The following EPRS1 variants were observed in gnomAD, a reference collection of about 807,000 sequenced individuals.
EPRS1 encodes bifunctional glutamate/proline--tRNA ligase.
A neutral mutation model predicts 188.3 loss-of-function variants in EPRS1; 107 were observed. The observed-to-expected ratio is 0.57, with a 90% CI of 0.49 to 0.67. The LOEUF (loss-of-function observed/expected upper bound fraction) is 0.67. Ranked by LOEUF, EPRS1 falls within the 30% of genes least tolerant of loss-of-function variation. EPRS1 has a pLI of 0.00. For synonymous variants in EPRS1, 596 were observed against 593.1 expected (o/e 1.00, Z -0.07); for missense variants, 1,577 against 1,802.2 (o/e 0.88, Z 2.26).
At chr1:219,997,415 T>G (rs1661258822) in intron 17 of EPRS1, 73 bp from the exon 18 acceptor site, 2 of 1,310,040 alleles carry the variant, frequency 1.5e-6, no homozygotes, top group African/African-American at 3.0e-5. Flanking sequence ...TATTTCAAAC[T>G]GATTGTTTTA....
chr1:219,989,619 C>T (rs912067036), intron 18 of EPRS1, among the ~76,000 whole-genome samples: 1 of 152,178 alleles, frequency 6.6e-6, no homozygotes, highest in African/African-American at 2.4e-5. Flanking sequence ...TGAAACCAGG[C>T]AGAAGCCATG....
chr1:219,983,962 A>T (rs1456529059), intron 21 of EPRS1, among the ~76,000 whole-genome samples: 1 of 151,920 alleles, frequency 6.6e-6, no homozygotes, highest in African/African-American at 2.4e-5. Context: ...GTGGCTTTGA[A>T]TTAATCCCTT....
intron 23 of EPRS1, chr1:219,982,538 A>C (rs113715184): frequency 4.0e-5 from 14 of 347,498 alleles, no homozygotes; most frequent in African/African-American, 2.1e-4. Flanking sequence ...ACAGCATAAA[A>C]ATGAGTATTT....
At chr1:220,007,153 A>G in intron 14 of EPRS1, 49 bp downstream of exon 14, 2 of 1,506,748 alleles carry the variant, frequency 1.3e-6, no homozygotes, top group Non-Finnish European at 1.8e-6. Flanking sequence ...AAACACAAAT[A>G]AAATACTTTT....
intron 12 of EPRS1, among the ~76,000 whole-genome samples, chr1:220,011,893 C>A (rs1661612230): frequency 6.6e-6 from 1 of 152,144 alleles, no homozygotes; most frequent in African/African-American, 2.4e-5. Flanking sequence ...TAGATGAAAG[C>A]AGAGTCAAAC....
At chr1:220,040,141 A>G in intron 2 of EPRS1, 44 bp downstream of exon 2, 6 of 1,311,010 alleles carry the variant, frequency 4.6e-6, no homozygotes, top group Non-Finnish European at 6.5e-6. Flanking sequence ...TAAAAAAAAG[A>G]AAAAGCCAAT....
At chr1:219,987,697 C>T (rs933165914) in intron 19 of EPRS1, among the ~76,000 whole-genome samples, 7 of 152,052 alleles carry the variant, frequency 4.6e-5, no homozygotes, top group African/African-American at 1.2e-4. Context: ...AGGTGTTACA[C>T]CAACTATTGA....
At position 220,022,516 on chromosome 1, in the gene EPRS1, T is replaced by C; in HGVS notation, c.946A>G (p.Ile316Val). The change falls in exon 9 of 32, where the codon ATT becomes GTT. Residue 316 changes from isoleucine to valine, a missense_variant and splice_region_variant. Transcript: ENST00000366923. ...RIDSKHRKNPIEKNLQMWEEM... is the reference protein window; with the variant it reads ...RIDSKHRKNPVEKNLQMWEEM... ...TCCCACATTTGTAGATTCTTCTCAA[T>C]AGCTATAAAATGATAATTACATTAC... The C allele has an allele frequency of 6.2e-7, 1 of 1,609,362 alleles. No individual in the cohort carries two copies. Among genetic ancestry groups the C allele is most frequent in the Non-Finnish European group, 8.5e-7 (1 of 1,176,784 alleles).
chr1:219,982,609 C>G (rs1660920269), intron 23 of EPRS1, 163 bp downstream of exon 23: 1 of 561,666 alleles, frequency 1.8e-6, no homozygotes, highest in South Asian at 2.8e-5. Context: ...GAGAATAAAA[C>G]TCTAGACAAC....
At chr1:219,975,474 T>C (rs1414919991) in intron 28 of EPRS1, among the ~76,000 whole-genome samples, 1 of 152,294 alleles carries the variant, frequency 6.6e-6, no homozygotes, top group East Asian at 1.9e-4. Context: ...TTCGCTCTTG[T>C]CACCCAGGCA....
Position 220,044,681 on chromosome 1 carries a change from C to CAAAAAAAA in EPRS1, c.46+1654_46+1661dup, listed in dbSNP as rs71560597. Among the ~76,000 whole-genome samples, 186 of 88,322 alleles carry CAAAAAAAA rather than the reference C, an allele frequency of 2.1e-3. 18 individuals are homozygous for CAAAAAAAA. The highest frequency in any genetic ancestry group is 4.6e-3 in the African/African-American group (110 of 24,110). 57.9% of individuals were successfully genotyped at this position (88,322 alleles called of 152,430 possible). On this transcript the variant is annotated intron_variant, in intron 1 of 31. Coordinates refer to ENST00000366923, the MANE Select transcript of EPRS1 (RefSeq NM_004446.3). ...CAGAGGTTGCAATGAGCTCGGTCTC[C>CAAAAAAAA]AAAAAAAAAAAAAAAAAAAAAAAAA...
intron 20 of EPRS1, among the ~76,000 whole-genome samples, chr1:219,985,495 C>T (rs957105090): frequency 5.9e-5 from 9 of 152,086 alleles, no homozygotes; most frequent in African/African-American, 1.9e-4. Context: ...CAGGTTTAAG[C>T]GATTCTCGTG....
At chr1:219,969,313 T>C in intron 30 of EPRS1, 191 bp from the exon 31 acceptor site, 6 of 586,036 alleles carry the variant, frequency 1.0e-5, no homozygotes, top group South Asian at 4.2e-5. Context: ...AGAATGTTTT[T>C]CCACTATCCA....
chr1:220,018,467 G>A lies in EPRS1; in HGVS notation c.1476C>T (p.Ile492=). ...TACATACCTTTTTGTTAAACGCCCA[G>A]ATTTTGTCCCACTCCATGTTCACGA... ...RSVVNMEWDK[I]WAFNKKVIDP... The change falls in exon 12 of 32, where the codon ATC becomes ATT. Residue 492 remains isoleucine, a synonymous_variant. Coordinates refer to ENST00000366923, the MANE Select transcript of EPRS1 (RefSeq NM_004446.3). The A allele has an allele frequency of 2.5e-6, 4 of 1,611,424 alleles. No homozygotes were observed. Among genetic ancestry groups the A allele is most frequent in the Non-Finnish European group, 2.5e-6 (3 of 1,178,780 alleles).
Position 220,022,541 on chromosome 1 carries a change from C to T in EPRS1, c.944-23G>A, listed in dbSNP as rs193251449. 63 of 1,555,166 alleles carry T rather than the reference C, an allele frequency of 4.1e-5. No homozygotes were observed. The Middle Eastern group carries it at 2.6e-3, about 63-fold the overall frequency. On this transcript the variant is annotated intron_variant, in intron 8 of 31. Transcript: ENST00000366923. ...TAGCTATAAAATGATAATTACATTA[C>T]GGTTCACTAATCTGGTTAAATTCAA... is the stretch of plus-strand genomic sequence containing the variant.
chr1:220,011,625 C>G (rs1365814231), intron 12 of EPRS1, among the ~76,000 whole-genome samples: 1 of 152,142 alleles, frequency 6.6e-6, no homozygotes, highest in Non-Finnish European at 1.5e-5. Context: ...TATATATAGA[C>G]CAGTATATTC....
At chr1:219,979,369 A>G (rs1312858168) in intron 27 of EPRS1, 49 bp downstream of exon 27, 1 of 1,393,166 alleles carries the variant, frequency 7.2e-7, no homozygotes, top group Non-Finnish European at 1.0e-6. Context: ...TTTAGTAAAT[A>G]TGGCTTGTAT....
At position 220,006,129 on chromosome 1, in the gene EPRS1, GCTTAAAGTCCTCGT is replaced by G; in HGVS notation, c.1913_1926del (p.Asp638AlafsTer8). The G allele has an allele frequency of 1.3e-6, 2 of 1,587,826 alleles. No individual in the cohort carries two copies. Among genetic ancestry groups the G allele is most frequent in the Non-Finnish European group, 1.7e-6 (2 of 1,164,052 alleles). On this transcript the variant is annotated frameshift_variant, in exon 15 of 32. Transcript: ENST00000366923. LOFTEE classifies it high-confidence loss of function. ...ACCTTACTGTTCTTGTTGACATACT[GCTTAAAGTCCTCGT>G]CTTTTCCTAGCACTGGCTTTGTGAT...
intron 24 of EPRS1, 26 bp from the exon 25 acceptor site, chr1:219,980,883 G>T: frequency 6.5e-7 from 1 of 1,528,466 alleles, no homozygotes; most frequent in Non-Finnish European, 9.0e-7. Context: ...AAACAATTTA[G>T]TCATTATAAA....
Sources: gnomAD v4.1 joint callset for allele counts (sites outside exome capture counted in the v4.1 genomes callset) on GRCh38, gnomAD v4.1.1 for gene constraint, MANE v1.5 for transcripts, NCBI Gene and HGNC (gene_info 2026-07-23, HGNC 2026-07-21) for gene names.